Variants in MYCBP2 observed in about 807,000 individuals in gnomAD.
MYCBP2 encodes MYC binding protein 2.
Under a neutral mutation model 525.3 loss-of-function variants are expected in MYCBP2, and 120 were observed. The ratio of observed to expected loss-of-function variants is 0.23; its 90% CI spans 0.20 to 0.27. MYCBP2 has a LOEUF of 0.27. Among genes scored for constraint, MYCBP2 ranks in the 10% least tolerant of loss-of-function variants. MYCBP2 has a pLI of 1.00. For synonymous variants in MYCBP2, 1,894 were observed against 1,955.8 expected (o/e 0.97, Z 0.83); for missense variants, 4,149 against 5,657.1 (o/e 0.73, Z 8.55).
At position 77,130,166 on chromosome 13, in the gene MYCBP2, G is replaced by A. The variant is rs184402257; in HGVS notation, c.7660-3624C>T. Among the ~76,000 whole-genome samples, 148 of 151,640 alleles carry A rather than the reference G, an allele frequency of 9.8e-4. 1 individual carries two copies. Among genetic ancestry groups the A allele is most frequent in the Middle Eastern group, 3.7e-3 (1 of 268 alleles). On this transcript the variant is annotated intron_variant, in intron 52 of 82. Transcript: ENST00000544440. Reference sequence around the variant, plus strand: ...GCAATTGCACAATTTTATTGCTTATGTAAATATTATGATAAACGGTTATTT... The same window carrying A: ...GCAATTGCACAATTTTATTGCTTATATAAATATTATGATAAACGGTTATTT...
chr13:77,051,270 T>C (rs963935893), intron 81 of MYCBP2, 108 bp from the exon 82 acceptor site: 94 of 911,150 alleles, frequency 1.0e-4, no homozygotes, highest in Admixed American at 6.5e-4. Flanking sequence ...TTTGAGGGCC[T>C]ACATAACTCT....
At chr13:77,245,813 A>G (rs1335529236) in intron 15 of MYCBP2, among the ~76,000 whole-genome samples, 6 of 150,998 alleles carry the variant, frequency 4.0e-5, no homozygotes, top group Non-Finnish European at 7.4e-5. Context: ...CACATTGGAA[A>G]GGAAAAAATA....
At chr13:77,073,867 G>A (rs2041821963) in intron 68 of MYCBP2, among the ~76,000 whole-genome samples, 1 of 152,040 alleles carries the variant, frequency 6.6e-6, no homozygotes, top group Middle Eastern at 3.2e-3. Context: ...ACTGCTGAGA[G>A]AAATTTTAAA....
At chr13:77,200,597 T>C (rs370191441) in intron 26 of MYCBP2, among the ~76,000 whole-genome samples, 50 of 152,192 alleles carry the variant, frequency 3.3e-4, no homozygotes, top group African/African-American at 8.2e-4. Context: ...TTGTCAGATT[T>C]ACCAAAGTTG....
chr13:77,060,435 GA>G (rs1177072771), intron 76 of MYCBP2, among the ~76,000 whole-genome samples: 5 of 152,192 alleles, frequency 3.3e-5, no homozygotes, highest in Admixed American at 2.6e-4. Flanking sequence ...AGTCACCCTA[GA>G]ATTAAATTGA....
At chr13:77,068,424 ATACAGGCCCCAAAC>A (rs2040561702) in intron 70 of MYCBP2, 127 bp downstream of exon 70, 7 of 1,009,198 alleles carry the variant, frequency 6.9e-6, no homozygotes, top group Non-Finnish European at 9.9e-6. Context: ...AGGGAGTAAA[ATACAGGCCCCAAAC>A]AAAATATAAC....
intron 79 of MYCBP2, among the ~76,000 whole-genome samples, chr13:77,056,099 GGTGTGTGTGT>G (rs56952443): frequency 0.026 from 3,140 of 120,568 alleles, 37 homozygotes; most frequent in Admixed American, 0.031. Context: ...CTCTGTGTTT[GGTGTGTGTGT>G]GTGTGTGTGT....
chr13:77,217,397 C>T (rs908385019), intron 21 of MYCBP2, among the ~76,000 whole-genome samples: 1 of 151,876 alleles, frequency 6.6e-6, no homozygotes, highest in African/African-American at 2.4e-5. Context: ...GGCGGATAGA[C>T]TCAGAGGGTG....
At chr13:77,125,876 A>G (rs946521090) in intron 53 of MYCBP2, among the ~76,000 whole-genome samples, 2 of 152,194 alleles carry the variant, frequency 1.3e-5, no homozygotes, top group Non-Finnish European at 2.9e-5. Flanking sequence ...TACATCTTCA[A>G]GCTTATCAGC....
chr13:77,077,042 T>C lies in MYCBP2; in HGVS notation c.11724+106A>G, dbSNP rs1594290474. The C allele has an allele frequency of 4.1e-6, 6 of 1,469,622 alleles. No homozygotes were observed. The South Asian group carries it at 5.4e-5, about 13-fold the overall frequency. The allele number at this position is 1,469,622 out of a possible 1,614,324, so 91.0% of individuals were successfully genotyped here. On this transcript the variant is annotated intron_variant, in intron 67 of 82. Coordinates refer to ENST00000544440, the MANE Select transcript of MYCBP2 (RefSeq NM_015057.5). Reference sequence around the variant, plus strand: ...TATGAAAAGAAAAAATGGGCAACATTTATAGCCAGAAATTTCTGTAATAAG... The same window carrying C: ...TATGAAAAGAAAAAATGGGCAACATCTATAGCCAGAAATTTCTGTAATAAG...
At chr13:77,231,537 C>T (rs141538124) in intron 18 of MYCBP2, among the ~76,000 whole-genome samples, 5 of 152,326 alleles carry the variant, frequency 3.3e-5, no homozygotes, top group African/African-American at 9.6e-5. Context: ...TGTGCCACTG[C>T]GCCCAGCCTC....
Position 77,206,726 on chromosome 13 carries a change from T to A in MYCBP2, c.3516A>T (p.Leu1172=). ...CTGTTGGTAAGGCAAGTTCAGGACT[T>A]AGGATACTACATCTGGACTGCATGT... is the stretch of plus-strand genomic sequence containing the variant. ...AADMQSRCSI[L]SPELALPTGS... Residue 1172 remains leucine, a synonymous_variant, in exon 24 of 83, where the codon CTA becomes CTT. Transcript: ENST00000544440. The A allele has an allele frequency of 6.2e-7, 1 of 1,613,034 alleles. No individual in the cohort carries two copies. The highest frequency in any genetic ancestry group is 1.1e-5 in the South Asian group (1 of 90,950).
Position 77,273,541 on chromosome 13 carries a change from T to C in MYCBP2, c.876A>G (p.Thr292=). The C allele has an allele frequency of 1.2e-6, 2 of 1,613,624 alleles. No individual in the cohort carries two copies. Among genetic ancestry groups the C allele is most frequent in the Non-Finnish European group, 1.7e-6 (2 of 1,179,800 alleles). ...CAGAGATGGCCTGAAGTGTCCTTCC[T>C]GTTTCTCCCCAAGAAGCCACCAGAC... The part of the protein sequence containing the change: ...LFSLVASWGE[T]GRTLQAISAI... Residue 292 remains threonine (T), a synonymous_variant, in exon 5 of 83, where the codon ACA becomes ACG. Coordinates refer to ENST00000544440, the MANE Select transcript of MYCBP2 (RefSeq NM_015057.5).
At chr13:77,233,394 C>A in intron 17 of MYCBP2, 131 bp from the exon 18 acceptor site, 2 of 687,302 alleles carry the variant, frequency 2.9e-6, no homozygotes, top group Non-Finnish European at 4.8e-6. Flanking sequence ...ACTTTTCTTC[C>A]AATTTCCCCA....
At chr13:77,047,922 T>C (rs1184016508) in intron 82 of MYCBP2, among the ~76,000 whole-genome samples, 2 of 152,056 alleles carry the variant, frequency 1.3e-5, no homozygotes, top group Admixed American at 6.5e-5. Flanking sequence ...GGGAGCATCC[T>C]GTTTGGGCCC....
chr13:77,324,055 A>G (rs1393124833), intron 1 of MYCBP2, among the ~76,000 whole-genome samples: 2 of 152,088 alleles, frequency 1.3e-5, no homozygotes, highest in African/African-American at 4.8e-5. Context: ...ATACTTGAAT[A>G]TCCTTCCCTC....
At chr13:77,099,789 A>G (rs899235074) in intron 55 of MYCBP2, 3 of 152,142 alleles carry the variant, frequency 2.0e-5, no homozygotes, top group African/African-American at 7.2e-5. Flanking sequence ...GAATGACAGA[A>G]AAACAGGATG....
rs1262040850 is a variant in MYCBP2 at position 77,243,891 on chromosome 13, A to G, written c.2442T>C (p.Cys814=). The G allele has an allele frequency of 6.2e-7, 1 of 1,612,778 alleles. No individual in the cohort carries two copies. Among genetic ancestry groups the G allele is most frequent in the Non-Finnish European group, 8.5e-7 (1 of 1,179,688 alleles). Residue 814 remains cysteine (C), a synonymous_variant, in exon 16 of 83, where the codon TGT becomes TGC. Transcript: ENST00000544440. ...CCTCTTGACCATCTAACTCTCTTGC[A>G]CAGGCCTTGCAACATCCACACACAG... ...GCAVCGCCKA[C]ARELDGQEAR...
chr13:77,132,847 T>A (rs1566650691), intron 52 of MYCBP2, among the ~76,000 whole-genome samples: 1 of 152,158 alleles, frequency 6.6e-6, no homozygotes, highest in African/African-American at 2.4e-5. Flanking sequence ...TTCATCTTTT[T>A]ACTTGCATTG....
Sources: allele counts gnomAD v4.1 joint callset (sites outside exome capture counted in the v4.1 genomes callset), GRCh38; gene constraint gnomAD v4.1.1; transcripts MANE v1.5; gene names NCBI Gene and HGNC (gene_info 2026-07-23, HGNC 2026-07-21).